The following IMMP2L variants were observed in gnomAD, a reference collection of about 807,000 sequenced individuals.
The protein encoded by IMMP2L is mitochondrial inner membrane protease subunit 2.
A neutral mutation model predicts 19.3 loss-of-function variants in IMMP2L; 18 were observed. The ratio of observed to expected loss-of-function variants is 0.93; its 90% CI spans 0.64 to 1.38. The LOEUF is 1.38. Ranked by LOEUF, IMMP2L falls within the 40% of genes most tolerant of loss-of-function variation. The pLI is 0.00. For missense variants in IMMP2L, 233 were observed against 218.2 expected, an observed-to-expected ratio of 1.07 and a Z score of -0.43; for synonymous variants, 76 against 73.0, an observed-to-expected ratio of 1.04 and a Z score of -0.21.
At chr7:111,556,164 G>A (rs1358927586) in intron 1 of IMMP2L, among the ~76,000 whole-genome samples, 2 of 151,180 alleles carry the variant, frequency 1.3e-5, no homozygotes, top group Admixed American at 6.6e-5. Flanking sequence ...AGGGGAGGGG[G>A]AAGGAAATTG....
intron 5 of IMMP2L, among the ~76,000 whole-genome samples, chr7:110,801,656 CCTCT>C (rs1407546228): frequency 1.3e-5 from 2 of 151,968 alleles, no homozygotes; most frequent in Non-Finnish European, 2.9e-5. Flanking sequence ...AGTTGTGAAC[CCTCT>C]GATACTGAAA....
intron 3 of IMMP2L, among the ~76,000 whole-genome samples, chr7:111,178,038 T>A (rs1016833512): frequency 9.2e-5 from 14 of 152,104 alleles, no homozygotes; most frequent in Admixed American, 9.2e-4. Context: ...TATTTCTTAC[T>A]AGCTAGGGGA....
chr7:111,297,409 A>G (rs1191213775), intron 3 of IMMP2L, among the ~76,000 whole-genome samples: 1 of 152,086 alleles, frequency 6.6e-6, no homozygotes, highest in Non-Finnish European at 1.5e-5. Context: ...AAAGACTGAC[A>G]ATATTCCAAG....
intron 3 of IMMP2L, among the ~76,000 whole-genome samples, chr7:111,034,896 T>C (rs1232398920): frequency 2.0e-5 from 3 of 152,130 alleles, no homozygotes; most frequent in Non-Finnish European, 4.4e-5. Context: ...AAGAGCTGAG[T>C]AAACATTGTT....
At chr7:111,230,682 G>A (rs551734902) in intron 3 of IMMP2L, among the ~76,000 whole-genome samples, 1 of 152,110 alleles carries the variant, frequency 6.6e-6, no homozygotes, top group South Asian at 2.1e-4. Flanking sequence ...CAGGCTCAGT[G>A]CCAAGCTATG....
chr7:110,908,774 A>T (rs1172633265), intron 4 of IMMP2L, among the ~76,000 whole-genome samples: 1 of 152,234 alleles, frequency 6.6e-6, no homozygotes, highest in Admixed American at 6.5e-5. Flanking sequence ...TGTATCTATG[A>T]AGTAAATAAC....
chr7:110,663,772 A>T lies in IMMP2L; in HGVS notation c.409-51T>A, dbSNP rs202079440. 1.4e-4 allele frequency: 178 copies of T among 1,246,580 alleles called. 1 individual carries two copies. The highest frequency in any genetic ancestry group is 2.5e-5 in the Admixed American group (1 of 39,280). The allele number at this position is 1,246,580 out of a possible 1,614,324, so 77.2% of individuals were successfully genotyped here. A position where few individuals can be genotyped will look rare whatever the true frequency, so the allele number is the denominator to read the frequency against. ...AGCAATAAAGAGATCATTTTATAAG[A>T]ATCATTATTAATAGCTTGAAAGCAG... On this transcript the variant is annotated intron_variant, in intron 5 of 5. Coordinates refer to ENST00000405709, the MANE Select transcript of IMMP2L (RefSeq NM_032549.4).
intron 5 of IMMP2L, among the ~76,000 whole-genome samples, chr7:110,847,513 G>C (rs1403881105): frequency 6.6e-6 from 1 of 152,032 alleles, no homozygotes; most frequent in Admixed American, 6.6e-5. Flanking sequence ...TTGAGCTGTA[G>C]GTTCAACATA....
intron 3 of IMMP2L, among the ~76,000 whole-genome samples, chr7:111,453,593 C>T (rs544087879): frequency 6.6e-6 from 1 of 152,234 alleles, no homozygotes; most frequent in Admixed American, 6.5e-5. Flanking sequence ...TGTAAAGATA[C>T]ATGCTACCAA....
At chr7:110,794,177 G>A (rs1290716735) in intron 5 of IMMP2L, among the ~76,000 whole-genome samples, 1 of 152,086 alleles carries the variant, frequency 6.6e-6, no homozygotes, top group Non-Finnish European at 1.5e-5. Context: ...GAAAACTTAT[G>A]TCCACACCAA....
At chr7:110,683,048 C>T (rs1792846088) in intron 5 of IMMP2L, among the ~76,000 whole-genome samples, 1 of 152,074 alleles carries the variant, frequency 6.6e-6, no homozygotes, top group Admixed American at 6.6e-5. Flanking sequence ...CAACAAAATA[C>T]ATCAGATAAG....
chr7:111,536,184 T>C (rs1847870501), intron 1 of IMMP2L, among the ~76,000 whole-genome samples: 1 of 152,196 alleles, frequency 6.6e-6, no homozygotes. Flanking sequence ...CTTTAAAATA[T>C]GGGTTTTAGC....
intron 3 of IMMP2L, among the ~76,000 whole-genome samples, chr7:111,447,624 C>T (rs190624108): frequency 4.0e-5 from 6 of 151,622 alleles, no homozygotes; most frequent in African/African-American, 1.2e-4. Context: ...TAAAGACCAT[C>T]GAGACTAGGA....
intron 1 of IMMP2L, among the ~76,000 whole-genome samples, chr7:111,546,942 T>C (rs1054214322): frequency 5.9e-5 from 9 of 152,140 alleles, no homozygotes; most frequent in African/African-American, 1.7e-4. Context: ...GTCTATAAAT[T>C]AGTCTCATTG....
intron 3 of IMMP2L, among the ~76,000 whole-genome samples, chr7:111,425,343 T>C (rs907758607): frequency 1.3e-5 from 2 of 151,268 alleles, no homozygotes; most frequent in Non-Finnish European, 1.5e-5. Flanking sequence ...TTACACAACA[T>C]AGGCATATGT....
chr7:111,103,528 G>C (rs986574980), intron 3 of IMMP2L, among the ~76,000 whole-genome samples: 4 of 151,526 alleles, frequency 2.6e-5, no homozygotes, highest in Non-Finnish European at 5.9e-5. Flanking sequence ...TATCGATTAG[G>C]CAAGTAAAAT....
At chr7:110,908,946 T>TCA (rs1812756419) in intron 4 of IMMP2L, among the ~76,000 whole-genome samples, 1 of 152,230 alleles carries the variant, frequency 6.6e-6, no homozygotes, top group Admixed American at 6.5e-5. Context: ...AATCAAGTAA[T>TCA]CATTTAAAAA....
At chr7:111,215,471 A>G (rs1448334908) in intron 3 of IMMP2L, among the ~76,000 whole-genome samples, 1 of 152,206 alleles carries the variant, frequency 6.6e-6, no homozygotes, top group African/African-American at 2.4e-5. Flanking sequence ...ATTTGAATAT[A>G]GCTACTTTTA....
At chr7:110,775,383 C>T (rs1304062862) in intron 5 of IMMP2L, among the ~76,000 whole-genome samples, 2 of 151,418 alleles carry the variant, frequency 1.3e-5, no homozygotes, top group African/African-American at 2.4e-5. Context: ...TAGTGTCACC[C>T]GAAACAGAAA....
Sources: allele counts gnomAD v4.1 joint callset (sites outside exome capture counted in the v4.1 genomes callset), GRCh38; gene constraint gnomAD v4.1.1; transcripts MANE v1.5; gene names NCBI Gene and HGNC (gene_info 2026-07-23, HGNC 2026-07-21).